The following CSMD3 variants were observed in gnomAD, a reference collection of about 807,000 sequenced individuals.
The protein encoded by CSMD3 is CUB and sushi domain-containing protein 3.
Under a neutral mutation model 435.2 loss-of-function variants are expected in CSMD3, and 177 were observed. The ratio of observed to expected loss-of-function variants is 0.41; its 90% CI spans 0.36 to 0.46. The LOEUF is 0.46. Among genes scored for constraint, CSMD3 ranks in the 20% least tolerant of loss-of-function variants. CSMD3 has a pLI of 0.34. For missense variants in CSMD3, 4,265 were observed against 4,504.6 expected (o/e 0.95, Z 1.52); for synonymous variants, 1,656 against 1,520.5 (o/e 1.09, Z -2.07).
At chr8:112,636,243 A>G (rs1040376987) in intron 22 of CSMD3, among the ~76,000 whole-genome samples, 1 of 152,118 alleles carries the variant, frequency 6.6e-6, no homozygotes, top group African/African-American at 2.4e-5. Context: ...TTTTTATTTC[A>G]CAACATGAAT....
At chr8:112,417,290 T>C (rs371928087) in intron 32 of CSMD3, among the ~76,000 whole-genome samples, 4 of 152,244 alleles carry the variant, frequency 2.6e-5, no homozygotes, top group African/African-American at 7.2e-5. Context: ...TAATCCAGGA[T>C]TAACCACATG....
At chr8:112,711,193 G>A (rs1339585490) in intron 13 of CSMD3, among the ~76,000 whole-genome samples, 1 of 152,002 alleles carries the variant, frequency 6.6e-6, no homozygotes, top group Admixed American at 6.6e-5. Context: ...AAGGTGAAAG[G>A]TTTTAAGAAA....
chr8:113,167,647 T>C (rs1196720283), intron 4 of CSMD3, among the ~76,000 whole-genome samples: 1 of 152,210 alleles, frequency 6.6e-6, no homozygotes, highest in Admixed American at 6.5e-5. Flanking sequence ...CCAGGGAGTG[T>C]TGAAGCAGCA....
At chr8:112,378,498 C>T (rs959867254) in intron 38 of CSMD3, among the ~76,000 whole-genome samples, 2 of 152,202 alleles carry the variant, frequency 1.3e-5, no homozygotes, top group East Asian at 1.9e-4. Flanking sequence ...AAATTGAAAT[C>T]CTGTTACTTG....
intron 10 of CSMD3, among the ~76,000 whole-genome samples, chr8:112,891,692 T>TGTGTA (rs1304973213): frequency 1.3e-5 from 2 of 151,610 alleles, no homozygotes; most frequent in Non-Finnish European, 3.0e-5. Flanking sequence ...GACTTGCTAC[T>TGTGTA]AAGTCAAAAA....
At chr8:112,858,270 A>G (rs1425604731) in intron 11 of CSMD3, among the ~76,000 whole-genome samples, 2 of 151,796 alleles carry the variant, frequency 1.3e-5, no homozygotes, top group African/African-American at 2.4e-5. Context: ...ACTATAAAAT[A>G]CATGTCTTTA....
intron 3 of CSMD3, among the ~76,000 whole-genome samples, chr8:113,212,175 C>T (rs1040999145): frequency 6.6e-6 from 1 of 151,992 alleles, no homozygotes; most frequent in African/African-American, 2.4e-5. Flanking sequence ...ATGTTCATGG[C>T]ATGAATAAGA....
chr8:112,374,515 A>C (rs1185237313), intron 38 of CSMD3, among the ~76,000 whole-genome samples: 1 of 152,194 alleles, frequency 6.6e-6, no homozygotes, highest in Non-Finnish European at 1.5e-5. Flanking sequence ...AAATTTCTTC[A>C]AAAAAGAAAG....
intron 13 of CSMD3, among the ~76,000 whole-genome samples, chr8:112,748,774 T>C (rs2077498939): frequency 6.6e-6 from 1 of 152,218 alleles, no homozygotes; most frequent in South Asian, 2.1e-4. Flanking sequence ...ATGTCTTTAC[T>C]ATCGTGAACA....
At chr8:113,074,243 C>G (rs1354513360) in intron 5 of CSMD3, among the ~76,000 whole-genome samples, 7 of 151,586 alleles carry the variant, frequency 4.6e-5, no homozygotes, top group Non-Finnish European at 7.4e-5. Flanking sequence ...CTACATGAAC[C>G]AAACTTCATT....
chr8:112,576,478 G>A (rs1374653849), intron 23 of CSMD3, among the ~76,000 whole-genome samples: 1 of 151,924 alleles, frequency 6.6e-6, no homozygotes, highest in Non-Finnish European at 1.5e-5. Context: ...ACACAAAATT[G>A]TCTGTATATT....
chr8:113,308,304 C>A (rs1426178551), intron 2 of CSMD3, among the ~76,000 whole-genome samples: 3 of 119,118 alleles, frequency 2.5e-5, no homozygotes, highest in African/African-American at 3.4e-5. Flanking sequence ...AGTCTCGCTC[C>A]GTCACCCAGG....
intron 36 of CSMD3, among the ~76,000 whole-genome samples, chr8:112,384,679 C>A (rs1331691082): frequency 2.6e-5 from 4 of 152,206 alleles, no homozygotes; most frequent in Non-Finnish European, 4.4e-5. Flanking sequence ...TTCTTCCATG[C>A]AAGTGAATGC....
chr8:113,293,913 T>C (rs993910630), intron 2 of CSMD3, among the ~76,000 whole-genome samples: 4 of 152,164 alleles, frequency 2.6e-5, no homozygotes, highest in Non-Finnish European at 4.4e-5. Context: ...ACTACCTTAC[T>C]GATGATAAAA....
At chr8:112,729,344 TTCTTGAC>T (rs1274278265) in intron 13 of CSMD3, among the ~76,000 whole-genome samples, 1 of 152,082 alleles carries the variant, frequency 6.6e-6, no homozygotes, top group African/African-American at 2.4e-5. Context: ...AGCTGAAATA[TTCTTGAC>T]TGATTGTTGT....
chr8:113,226,287 A>G (rs1228390593), intron 3 of CSMD3, among the ~76,000 whole-genome samples: 1 of 151,624 alleles, frequency 6.6e-6, no homozygotes. Flanking sequence ...CATATTAAAA[A>G]TATTACATGG....
chr8:112,833,158 CT>C (rs1434347568), intron 11 of CSMD3, among the ~76,000 whole-genome samples: 3 of 151,970 alleles, frequency 2.0e-5, no homozygotes, highest in African/African-American at 7.2e-5. Flanking sequence ...GACCATTTGT[CT>C]TTCACATATC....
At chr8:112,469,643 C>T (rs932010710) in intron 32 of CSMD3, among the ~76,000 whole-genome samples, 2 of 152,110 alleles carry the variant, frequency 1.3e-5, no homozygotes, top group Non-Finnish European at 2.9e-5. Flanking sequence ...AGGGTTTGCA[C>T]TCCTATGGGA....
intron 32 of CSMD3, among the ~76,000 whole-genome samples, chr8:112,435,769 C>T (rs1421747432): frequency 6.6e-6 from 1 of 152,024 alleles, no homozygotes; most frequent in Admixed American, 6.6e-5. Context: ...GATTTAAAAA[C>T]TGTGTCTGAT....
Sources: gnomAD v4.1 joint callset for allele counts (sites outside exome capture counted in the v4.1 genomes callset) on GRCh38, gnomAD v4.1.1 for gene constraint, MANE v1.5 for transcripts, NCBI Gene and HGNC (gene_info 2026-07-23, HGNC 2026-07-21) for gene names.